The following CDKL5 variants were observed in gnomAD, a reference collection of about 807,000 sequenced individuals.
The protein encoded by CDKL5 is cyclin dependent kinase like 5.
In CDKL5, 8 loss-of-function variants were observed where a neutral mutation model predicts 61.7. The ratio of observed to expected loss-of-function variants is 0.13; its 90% CI spans 0.08 to 0.23. CDKL5 has a LOEUF of 0.23. Ranked by LOEUF, CDKL5 falls within the 10% of genes least tolerant of loss-of-function variation. The probability of loss-of-function intolerance (pLI) is 1.00; values close to 1 mark genes in which losing one functional copy is unlikely to be tolerated. For synonymous variants in CDKL5, 275 were observed against 272.3 expected (o/e 1.01, Z -0.10); for missense variants, 440 against 734.5 (o/e 0.60, Z 4.63).
intron 3 of CDKL5, among the ~76,000 whole-genome samples, chrX:18,543,978 G>T (rs1269228503): frequency 8.9e-6 from 1 of 111,862 alleles, no homozygotes. Context: ...TTGTTACTCT[G>T]GTTACAATTA....
chrX:18,614,739 A>G (rs181864485), intron 15 of CDKL5, among the ~76,000 whole-genome samples: 97 of 112,663 alleles, frequency 8.6e-4, no homozygotes, highest in African/African-American at 3.1e-3. Context: ...ACGTGAGAAC[A>G]CAAGTATAAC....
chrX:18,609,737 A>G (rs993732797), intron 14 of CDKL5, among the ~76,000 whole-genome samples, 167 bp downstream of exon 14: 1 of 111,777 alleles, frequency 8.9e-6, no homozygotes, highest in Non-Finnish European at 1.9e-5. Flanking sequence ...TGGCTTATGA[A>G]TTGGCCTCCT....
intron 3 of CDKL5, among the ~76,000 whole-genome samples, chrX:18,536,736 G>A (rs144266423): frequency 3.4e-3 from 375 of 110,288 alleles, no homozygotes; most frequent in Middle Eastern, 9.4e-3. Flanking sequence ...GTGAGCCACC[G>A]TGCCTGGCCT....
intron 1 of CDKL5, among the ~76,000 whole-genome samples, chrX:18,470,352 A>G (rs1921042760): frequency 1.5e-5 from 1 of 68,245 alleles, no homozygotes; most frequent in Non-Finnish European, 2.8e-5. Context: ...AAAAAGAAGA[A>G]AAGAAAAAAA....
chrX:18,533,860 C>T (rs1396509951), intron 3 of CDKL5, among the ~76,000 whole-genome samples: 1 of 112,086 alleles, frequency 8.9e-6, no homozygotes, highest in Non-Finnish European at 1.9e-5. Flanking sequence ...CATCTGTTAG[C>T]ACAGAATACC....
chrX:18,526,872 C>T (rs1923462511), intron 3 of CDKL5, among the ~76,000 whole-genome samples: 1 of 110,370 alleles, frequency 9.1e-6, no homozygotes, highest in South Asian at 3.9e-4. Flanking sequence ...CAACCTCCGC[C>T]TCCTGGGTTC....
intron 3 of CDKL5, among the ~76,000 whole-genome samples, chrX:18,555,821 A>G (rs1924582171): frequency 8.9e-6 from 1 of 112,469 alleles, no homozygotes; most frequent in Non-Finnish European, 1.9e-5. Context: ...CAGAGGTCCA[A>G]TAAACATTTG....
intron 5 of CDKL5, among the ~76,000 whole-genome samples, chrX:18,576,055 C>G (rs1925286884): frequency 8.9e-6 from 1 of 112,015 alleles, no homozygotes; most frequent in Non-Finnish European, 1.9e-5. Context: ...AAAAAATGTT[C>G]AACTTGTTGG....
At chrX:18,478,072 C>T (rs1457855864) in intron 1 of CDKL5, among the ~76,000 whole-genome samples, 5 of 110,860 alleles carry the variant, frequency 4.5e-5, no homozygotes, top group African/African-American at 1.6e-4. Context: ...GTAAAACTTC[C>T]TTTAGTATTT....
chrX:18,590,802 A>C (rs922614481), intron 9 of CDKL5, among the ~76,000 whole-genome samples: 3 of 111,966 alleles, frequency 2.7e-5, no homozygotes, highest in Admixed American at 1.9e-4. Flanking sequence ...TCCCCAGTCT[A>C]GAAGAAAGAA....
chrX:18,639,426 T>C lies in CDKL5; in HGVS notation c.*10669T>C, dbSNP rs1044429055. Among the ~76,000 whole-genome samples the C allele has an allele frequency of 3.6e-5, 4 of 112,372 alleles. No homozygotes were observed. Among genetic ancestry groups the C allele is most frequent in the Non-Finnish European group, 7.5e-5 (4 of 53,293 alleles). On this transcript the variant is annotated 3_prime_UTR_variant, in exon 18 of 18. Coordinates refer to ENST00000623535, the MANE Select transcript of CDKL5 (RefSeq NM_001323289.2). Reference sequence around the variant, plus strand: ...ATGAAAAGATGCTCAACATCATTAGTCACTAGGGAAATGCAAATCAAAACC... The same window carrying C: ...ATGAAAAGATGCTCAACATCATTAGCCACTAGGGAAATGCAAATCAAAACC...
At chrX:18,450,145 G>T (rs1931978102) in intron 1 of CDKL5, among the ~76,000 whole-genome samples, 1 of 111,190 alleles carries the variant, frequency 9.0e-6, no homozygotes, top group Non-Finnish European at 1.9e-5. Context: ...GTAAGATATG[G>T]CCCGGTCCCC....
chrX:18,483,648 C>G (rs899200441), intron 1 of CDKL5, among the ~76,000 whole-genome samples: 16 of 109,901 alleles, frequency 1.5e-4, no homozygotes, highest in African/African-American at 4.6e-4. Flanking sequence ...TCTTGAACTC[C>G]TGACCTCGTG....
At chrX:18,642,252 A>C, downstream of CDKL5, 1 of 965,589 alleles carries the variant, frequency 1.0e-6, no homozygotes, top group Non-Finnish European at 1.5e-6. Context: ...TAACTATAGA[A>C]ATGATTAGGA....
At chrX:18,532,408 T>C (rs1279356886) in intron 3 of CDKL5, among the ~76,000 whole-genome samples, 1 of 110,253 alleles carries the variant, frequency 9.1e-6, no homozygotes, top group Admixed American at 9.7e-5. Flanking sequence ...TAAACCATGC[T>C]CAAGTAGTTC....
intron 3 of CDKL5, among the ~76,000 whole-genome samples, chrX:18,523,791 T>C (rs761302286): frequency 8.9e-6 from 1 of 112,256 alleles, no homozygotes; most frequent in Admixed American, 9.4e-5. Context: ...TTATGAATAA[T>C]GCTGCTATGA....
At chrX:18,605,021 C>G (rs1926316130) in intron 12 of CDKL5, among the ~76,000 whole-genome samples, 153 bp downstream of exon 12, 1 of 111,602 alleles carries the variant, frequency 9.0e-6, no homozygotes, top group Non-Finnish European at 1.9e-5. Flanking sequence ...GGCCTAATCT[C>G]TGTTTTTTTG....
chrX:18,569,386 G>T (rs1321925177), intron 4 of CDKL5, among the ~76,000 whole-genome samples: 1 of 111,625 alleles, frequency 9.0e-6, no homozygotes, highest in Non-Finnish European at 1.9e-5. Flanking sequence ...TCATTATTTG[G>T]ATTTTCTGAG....
At chrX:18,505,955 T>C (rs766888446) in intron 1 of CDKL5, among the ~76,000 whole-genome samples, 1 of 113,182 alleles carries the variant, frequency 8.8e-6, no homozygotes, top group Non-Finnish European at 1.9e-5. Context: ...CTTCTAATTT[T>C]ATCACTACAT....
Sources: allele counts gnomAD v4.1 joint callset (sites outside exome capture counted in the v4.1 genomes callset), GRCh38; gene constraint gnomAD v4.1.1; transcripts MANE v1.5; gene names NCBI Gene and HGNC (gene_info 2026-07-23, HGNC 2026-07-21).